The following PPP2R2D variants were observed in gnomAD, a reference collection of about 807,000 sequenced individuals.
PPP2R2D encodes the protein serine/threonine-protein phosphatase 2A 55 kDa regulatory subunit B delta isoform.
PPP2R2D carries 9 observed loss-of-function variants against 31.1 expected under a neutral mutation model. That is an observed-to-expected ratio of 0.29 (90% confidence interval 0.17 to 0.51). The LOEUF is 0.51. PPP2R2D is among the 20% of genes least tolerant of loss of function. The probability of loss-of-function intolerance (pLI) is 0.98; values close to 1 mark genes in which losing one functional copy is unlikely to be tolerated. For synonymous variants in PPP2R2D, 179 were observed against 172.6 expected (o/e 1.04, Z -0.29); for missense variants, 391 against 465.6 (o/e 0.84, Z 1.48).
At chr10:131,952,783 C>A (rs1190981687) in intron 8 of PPP2R2D, among the ~76,000 whole-genome samples, 1 of 94,886 alleles carries the variant, frequency 1.1e-5, no homozygotes, top group East Asian at 3.4e-4. Flanking sequence ...TAGTGACTTG[C>A]GGGTGTGCAG....
chr10:131,944,842 G>A (rs1397193120), intron 6 of PPP2R2D, among the ~76,000 whole-genome samples: 1 of 152,146 alleles, frequency 6.6e-6, no homozygotes, highest in Non-Finnish European at 1.5e-5. Flanking sequence ...GATTTCTGTT[G>A]GATCTGTTCT....
chr10:131,934,771 G>A (rs568730324), intron 3 of PPP2R2D: 10 of 588,126 alleles, frequency 1.7e-5, no homozygotes, highest in South Asian at 6.2e-5. Context: ...CTTCAGAGTA[G>A]GGAGGAGATT....
Position 131,957,685 on chromosome 10 carries a change from A to AT in PPP2R2D, c.*1723dup, listed in dbSNP as rs1490293029. 6.4e-6 allele frequency: 1 copy of AT among 155,560 alleles called. No homozygotes were observed. The highest frequency in any genetic ancestry group is 1.3e-5 in the Non-Finnish European group (1 of 76,052). 9.6% of individuals were successfully genotyped at this position (155,560 alleles called of 1,614,324 possible). A position where few individuals can be genotyped will look rare whatever the true frequency, so the allele number is the denominator to read the frequency against. On this transcript the variant is annotated 3_prime_UTR_variant, in exon 9 of 9. Coordinates refer to ENST00000455566, the MANE Select transcript of PPP2R2D (RefSeq NM_018461.5). Reference sequence around the variant, plus strand: ...ACTGTGGAGATGAAGGGGTGTGCTGATCCCCCGTCCCCCTGTGGAGATGAA... The same window carrying AT: ...ACTGTGGAGATGAAGGGGTGTGCTGATTCCCCCGTCCCCCTGTGGAGATGAA...
chr10:131,944,595 C>T (rs1554897679), intron 6 of PPP2R2D, among the ~76,000 whole-genome samples: 1 of 152,236 alleles, frequency 6.6e-6, no homozygotes, highest in African/African-American at 2.4e-5. Flanking sequence ...GCCCTCCTCA[C>T]ATGGGCCCCT....
chr10:131,943,970 C>A lies in PPP2R2D; in HGVS notation c.480C>A (p.Val160=). The A allele has an allele frequency of 1.2e-6, 1 of 867,100 alleles. No individual in the cohort carries two copies. Among genetic ancestry groups the A allele is most frequent in the Non-Finnish European group, 2.0e-6 (1 of 499,506 alleles). 53.7% of individuals were successfully genotyped at this position (867,100 alleles called of 1,614,324 possible). ...TTCCTATTTCCTTCCATTTTTAGGT[C>A]CCAATATTGAAGCCCATGGATCTTA... ...RDPFRITALR[V]PILKPMDLMV... Residue 160 remains valine, a splice_region_variant and synonymous_variant, in exon 6 of 9, where the codon GTC becomes GTA. Coordinates refer to ENST00000455566, the MANE Select transcript of PPP2R2D (RefSeq NM_018461.5).
chr10:131,962,352 A>C (rs2120119932), downstream of PPP2R2D, among the ~76,000 whole-genome samples: 1 of 152,176 alleles, frequency 6.6e-6, no homozygotes, highest in African/African-American at 2.4e-5. Flanking sequence ...ACCTTCACTC[A>C]CTCACCAGAT....
At chr10:131,966,775 C>T in the PPP2R2D span, 1 of 152,106 alleles carries the variant, frequency 6.6e-6, no homozygotes, top group African/African-American at 2.4e-5. Context: ...TGGTCTCGAA[C>T]TTCTGGACTT....
At chr10:131,909,319 C>G (rs1479190853) in intron 2 of PPP2R2D, among the ~76,000 whole-genome samples, 1 of 152,186 alleles carries the variant, frequency 6.6e-6, no homozygotes, top group African/African-American at 2.4e-5. Flanking sequence ...CTTTTCAGAT[C>G]CTAAGCGGAG....
At chr10:131,916,010 G>A (rs1288963807) in intron 2 of PPP2R2D, among the ~76,000 whole-genome samples, 1 of 152,214 alleles carries the variant, frequency 6.6e-6, no homozygotes, top group African/African-American at 2.4e-5. Context: ...GGATTATGAA[G>A]GTATCAGCAT....
chr10:131,952,831 G>A (rs1276710711), intron 8 of PPP2R2D, among the ~76,000 whole-genome samples: 12 of 80,144 alleles, frequency 1.5e-4, no homozygotes, highest in Middle Eastern at 0.015. Flanking sequence ...TGTGTGTGTG[G>A]GGTTCACTGT....
chr10:131,919,282 G>A (rs2035911879), intron 2 of PPP2R2D, among the ~76,000 whole-genome samples: 1 of 107,334 alleles, frequency 9.3e-6, no homozygotes, highest in African/African-American at 3.7e-5. Context: ...ATGGCACAGC[G>A]TTTGTAGGGA....
intron 2 of PPP2R2D, among the ~76,000 whole-genome samples, chr10:131,908,217 G>A (rs1228821155): frequency 6.6e-6 from 1 of 152,074 alleles, no homozygotes; most frequent in African/African-American, 2.4e-5. Context: ...ACTGGGCCTG[G>A]CCTCTTAATG....
At chr10:131,911,741 G>T (rs954052048) in intron 2 of PPP2R2D, 11 of 151,718 alleles carry the variant, frequency 7.3e-5, no homozygotes, top group African/African-American at 2.7e-4. Context: ...GTTCTTGACC[G>T]TTGCACCCTC....
intron 2 of PPP2R2D, among the ~76,000 whole-genome samples, chr10:131,904,733 G>A (rs1316270133): frequency 6.6e-6 from 1 of 152,184 alleles, no homozygotes; most frequent in Non-Finnish European, 1.5e-5. Flanking sequence ...GTAAGGAGAA[G>A]GAGCCTTAGA....
chr10:131,949,343 G>A (rs528261813), intron 8 of PPP2R2D, among the ~76,000 whole-genome samples: 3 of 152,278 alleles, frequency 2.0e-5, no homozygotes, highest in South Asian at 2.1e-4. Context: ...CCTCAAGGCC[G>A]CTTGCTGGAA....
intron 3 of PPP2R2D, among the ~76,000 whole-genome samples, chr10:131,936,865 C>A (rs1589948937): frequency 6.6e-6 from 1 of 152,242 alleles, no homozygotes. Context: ...GAAAGGCTTT[C>A]ACGGTCCATC....
chr10:131,939,843 C>A (rs1384303985), intron 3 of PPP2R2D, 188 bp from the exon 4 acceptor site: 1 of 361,684 alleles, frequency 2.8e-6, no homozygotes, highest in East Asian at 4.4e-5. Context: ...GAAGTGGAGT[C>A]GAAGAGTCGG....
chr10:131,963,900 T>G (rs2036950498), downstream of PPP2R2D, among the ~76,000 whole-genome samples: 5 of 152,292 alleles, frequency 3.3e-5, no homozygotes, highest in South Asian at 1.0e-3. Context: ...TGCACCTGCC[T>G]TGGCACCTGC....
chr10:131,934,959 C>T, intron 3 of PPP2R2D: 1 of 456,174 alleles, frequency 2.2e-6, no homozygotes, highest in Non-Finnish European at 4.4e-6. Context: ...GCACTTCCTG[C>T]AGAGAAGTCT....
Sources: allele counts gnomAD v4.1 joint callset (sites outside exome capture counted in the v4.1 genomes callset), GRCh38; gene constraint gnomAD v4.1.1; transcripts MANE v1.5; gene names NCBI Gene and HGNC (gene_info 2026-07-23, HGNC 2026-07-21).